The following RBFOX1 variants were observed in gnomAD, a reference collection of about 807,000 sequenced individuals.
RBFOX1 encodes the protein RNA binding protein fox-1 homolog 1.
In RBFOX1, 8 loss-of-function variants were observed where a neutral mutation model predicts 57.7. The ratio of observed to expected loss-of-function variants is 0.14; its 90% CI spans 0.08 to 0.25. The LOEUF (loss-of-function observed/expected upper bound fraction) is 0.25, where lower values mean the gene tolerates loss of function less well. RBFOX1 is among the 10% of genes least tolerant of loss of function. The pLI is 1.00. For synonymous variants in RBFOX1, 326 were observed against 222.4 expected, an observed-to-expected ratio of 1.47 and a Z score of -4.15; for missense variants, 611 against 548.5, an observed-to-expected ratio of 1.11 and a Z score of -1.14.
chr16:6,604,584 G>A (rs1421549984), intron 2 of RBFOX1, among the ~76,000 whole-genome samples: 2 of 152,216 alleles, frequency 1.3e-5, no homozygotes, highest in Non-Finnish European at 2.9e-5. Context: ...GCAAGGTAAA[G>A]CAATGGTGGC....
chr16:7,420,939 A>C (rs562199330), intron 4 of RBFOX1, among the ~76,000 whole-genome samples: 7 of 137,382 alleles, frequency 5.1e-5, no homozygotes, highest in Non-Finnish European at 7.5e-5. Flanking sequence ...ATATATATAT[A>C]CACACACACA....
intron 1 of RBFOX1, chr16:5,366,463 C>G (rs142625611): frequency 6.1e-5 from 27 of 439,134 alleles, no homozygotes; most frequent in African/African-American, 5.5e-4. Context: ...ATCATCAACA[C>G]CAAGATCAAA....
At chr16:6,834,095 C>T (rs756130109) in intron 3 of RBFOX1, among the ~76,000 whole-genome samples, 4 of 151,800 alleles carry the variant, frequency 2.6e-5, no homozygotes, top group Non-Finnish European at 5.9e-5. Context: ...GGCGGAGTCT[C>T]CCTCTTTCGC....
At chr16:5,726,290 A>G (rs145488308) in intron 3 of RBFOX1, among the ~76,000 whole-genome samples, 12 of 151,984 alleles carry the variant, frequency 7.9e-5, no homozygotes, top group Admixed American at 2.6e-4. Flanking sequence ...ATGTATTCAG[A>G]TAATTCAGCC....
chr16:6,016,719 T>C (rs2094995944), upstream of RBFOX1, among the ~76,000 whole-genome samples: 1 of 152,198 alleles, frequency 6.6e-6, no homozygotes, highest in Admixed American at 6.5e-5. Context: ...TTTCTAACCA[T>C]AGCAGGGCGA....
At chr16:7,049,958 C>T (rs74863182) in intron 3 of RBFOX1, among the ~76,000 whole-genome samples, 2,611 of 152,264 alleles carry the variant, frequency 0.017, 79 homozygotes, top group African/African-American at 0.059. Flanking sequence ...AGTTTGAGAA[C>T]ATTTTATTCA....
At chr16:5,577,364 G>T (rs1397521219) in intron 2 of RBFOX1, among the ~76,000 whole-genome samples, 1 of 152,128 alleles carries the variant, frequency 6.6e-6, no homozygotes, top group Non-Finnish European at 1.5e-5. Context: ...CCTGTTGGCG[G>T]GGGGGTCTCA....
At chr16:5,935,075 G>C (rs1394364357) in intron 4 of RBFOX1, among the ~76,000 whole-genome samples, 1 of 152,194 alleles carries the variant, frequency 6.6e-6, no homozygotes, top group Non-Finnish European at 1.5e-5. Context: ...AGAGAATTCA[G>C]CTGCCTTCAG....
chr16:7,181,085 ACCCCCTG>A (rs912898316), intron 4 of RBFOX1, among the ~76,000 whole-genome samples: 2 of 152,072 alleles, frequency 1.3e-5, no homozygotes, highest in Non-Finnish European at 2.9e-5. Context: ...TGGCTTACTG[ACCCCCTG>A]CTATCAAGGA....
intron 4 of RBFOX1, among the ~76,000 whole-genome samples, chr16:5,961,479 A>T (rs981805799): frequency 4.7e-5 from 6 of 126,844 alleles, no homozygotes; most frequent in Admixed American, 8.9e-5. Flanking sequence ...TCTTTTGTTT[A>T]AAAAAAACAA....
At chr16:6,781,538 A>C (rs1266331435) in intron 3 of RBFOX1, among the ~76,000 whole-genome samples, 1 of 152,162 alleles carries the variant, frequency 6.6e-6, no homozygotes, top group Non-Finnish European at 1.5e-5. Flanking sequence ...AGAATTCAAC[A>C]GTGAAGCCAT....
At chr16:5,462,874 G>A (rs1226581814) in intron 1 of RBFOX1, among the ~76,000 whole-genome samples, 2 of 152,114 alleles carry the variant, frequency 1.3e-5, no homozygotes, top group African/African-American at 2.4e-5. Flanking sequence ...GGCATGGGAC[G>A]AGCCCCACGA....
intron 4 of RBFOX1, among the ~76,000 whole-genome samples, chr16:7,471,724 G>C (rs1361863501): frequency 6.6e-6 from 1 of 152,190 alleles, no homozygotes; most frequent in African/African-American, 2.4e-5. Flanking sequence ...CTTGCCCTCA[G>C]TGGATGTTTT....
At chr16:6,750,561 G>A (rs577314464) in intron 3 of RBFOX1, among the ~76,000 whole-genome samples, 5 of 152,192 alleles carry the variant, frequency 3.3e-5, no homozygotes, top group East Asian at 1.9e-4. Context: ...ACTGGTGACC[G>A]AACTATGGTA....
At chr16:7,597,327 C>A in intron 8 of RBFOX1, 44 bp from the exon 9 acceptor site, 1 of 1,432,382 alleles carries the variant, frequency 7.0e-7, no homozygotes, top group Non-Finnish European at 9.6e-7. Context: ...GAATTGGGAG[C>A]TGGCCCTAGA....
rs534710063 is a variant in RBFOX1, at chr16:6,801,348, C to T, written c.-16+146698C>T. 3.3e-5 allele frequency among the ~76,000 whole-genome samples: 5 copies of T among 152,214 alleles called. No individual in the cohort carries two copies. The South Asian group carries it at 6.2e-4, about 19-fold the overall frequency. On this transcript the variant is annotated intron_variant, in intron 3 of 15. Transcript: ENST00000550418. ...ACCATACAAGGCTCTTGGTAATGGT[C>T]AGGCTTATGTATTTAAGGTGTAATT... is the stretch of plus-strand genomic sequence containing the variant.
chr16:5,631,185 A>T (rs1000950757), intron 3 of RBFOX1, among the ~76,000 whole-genome samples: 4 of 152,148 alleles, frequency 2.6e-5, no homozygotes, highest in Admixed American at 6.5e-5. Flanking sequence ...GAAGGTGATG[A>T]GGTTGATGAT....
At chr16:6,068,902 A>G (rs2095800513) in intron 1 of RBFOX1, among the ~76,000 whole-genome samples, 1 of 152,202 alleles carries the variant, frequency 6.6e-6, no homozygotes, top group South Asian at 2.1e-4. Context: ...GGCAGTGAGA[A>G]TAAGCATTCC....
intron 3 of RBFOX1, among the ~76,000 whole-genome samples, chr16:6,757,216 C>A (rs1210211243): frequency 6.6e-6 from 1 of 151,950 alleles, no homozygotes; most frequent in Non-Finnish European, 1.5e-5. Context: ...ATTGGCACAG[C>A]TAATAGGGAA....
Sources: gnomAD v4.1 joint callset for allele counts (sites outside exome capture counted in the v4.1 genomes callset) on GRCh38, gnomAD v4.1.1 for gene constraint, MANE v1.5 for transcripts, NCBI Gene and HGNC (gene_info 2026-07-23, HGNC 2026-07-21) for gene names.